The following RIMBP2 variants were observed in gnomAD, a reference collection of about 807,000 sequenced individuals.
RIMBP2 encodes RIMS-binding protein 2.
Under a neutral mutation model 118.6 loss-of-function variants are expected in RIMBP2, and 48 were observed. The observed-to-expected ratio is 0.40, with a 90% CI of 0.32 to 0.51. RIMBP2 has a LOEUF of 0.51. Among genes scored for constraint, RIMBP2 ranks in the 20% least tolerant of loss-of-function variants. The pLI is 0.41. For synonymous variants in RIMBP2, 762 were observed against 742.9 expected, an observed-to-expected ratio of 1.03 and a Z score of -0.42; for missense variants, 1,551 against 1,768.3, an observed-to-expected ratio of 0.88 and a Z score of 2.20.
rs73452777 is a variant in RIMBP2, at chr12:130,528,447, T to C, written c.-216-10530A>G. Among the ~76,000 whole-genome samples the C allele has an allele frequency of 4.5e-3, 690 of 152,174 alleles. 3 individuals carry two copies. The highest frequency in any genetic ancestry group is 0.016 in the African/African-American group (671 of 41,524). On this transcript the variant is annotated intron_variant, in intron 2 of 22. Coordinates refer to ENST00000690449, the MANE Select transcript of RIMBP2 (RefSeq NM_001393629.1). The stretch of plus-strand genomic sequence containing the variant: ...GGGGAACAACACACACTGGGGCCTG[T>C]TGGAGGTTGAGGGTAGGGGAAGGGA...
At chr12:130,659,633 T>C (rs1192171385) in intron 1 of RIMBP2, among the ~76,000 whole-genome samples, 2 of 150,968 alleles carry the variant, frequency 1.3e-5, no homozygotes, top group African/African-American at 4.9e-5. Context: ...TCACTCAATA[T>C]ATCCAAAATA....
chr12:130,713,759 G>A (rs575124781), intron 1 of RIMBP2, among the ~76,000 whole-genome samples: 2 of 152,306 alleles, frequency 1.3e-5, no homozygotes, highest in Non-Finnish European at 2.9e-5. Flanking sequence ...CACAAAGGAA[G>A]CTCCCGGGTC....
chr12:130,417,346 C>T (rs2076162107), intron 17 of RIMBP2, among the ~76,000 whole-genome samples: 1 of 152,220 alleles, frequency 6.6e-6, no homozygotes, highest in South Asian at 2.1e-4. Context: ...CCTAGATGCT[C>T]ATCAACAGTG....
chr12:130,654,454 A>G (rs2063345268), intron 1 of RIMBP2, among the ~76,000 whole-genome samples: 1 of 152,204 alleles, frequency 6.6e-6, no homozygotes, highest in Non-Finnish European at 1.5e-5. Flanking sequence ...CTGAGACCAC[A>G]TCAGCCTGGA....
intron 5 of RIMBP2, among the ~76,000 whole-genome samples, chr12:130,473,061 G>C (rs2081138383): frequency 6.6e-6 from 1 of 151,958 alleles, no homozygotes; most frequent in Non-Finnish European, 1.5e-5. Context: ...TGGCAGGATT[G>C]AAAAAAAAGA....
At chr12:130,438,335 A>ACCGGCC in intron 12 of RIMBP2, 30 bp downstream of exon 12, 1 of 865,014 alleles carries the variant, frequency 1.2e-6, no homozygotes, top group Non-Finnish European at 1.9e-6. Context: ...GGCCTAACAA[A>ACCGGCC]CCCTCCCCAC....
intron 1 of RIMBP2, among the ~76,000 whole-genome samples, chr12:130,689,862 G>C: frequency 6.6e-6 from 1 of 152,210 alleles, no homozygotes; most frequent in East Asian, 1.9e-4. Flanking sequence ...TCAGGCGTCT[G>C]GGCAGGCTCA....
chr12:130,609,787 G>C (rs2060399949), intron 2 of RIMBP2, among the ~76,000 whole-genome samples: 1 of 152,160 alleles, frequency 6.6e-6, no homozygotes. Context: ...TAGGGCACTG[G>C]AGGGGGACTG....
chr12:130,448,216 T>C (rs1334173408), intron 9 of RIMBP2, among the ~76,000 whole-genome samples: 1 of 152,070 alleles, frequency 6.6e-6, no homozygotes, highest in Non-Finnish European at 1.5e-5. Flanking sequence ...TGACTGGTGA[T>C]GGCCACGGGA....
intron 2 of RIMBP2, among the ~76,000 whole-genome samples, chr12:130,528,050 A>G (rs1050784965): frequency 6.6e-6 from 1 of 152,230 alleles, no homozygotes; most frequent in African/African-American, 2.4e-5. Context: ...TTCCTTGAAG[A>G]CCTAGAACCA....
rs150105329 is a variant in RIMBP2 at position 130,405,154 on chromosome 12, G to A, written c.3765+1018C>T. Among the ~76,000 whole-genome samples the A allele has an allele frequency of 5.3e-5, 8 of 152,232 alleles. No homozygotes were observed. The East Asian group carries it at 1.4e-3, about 26-fold the overall frequency. On this transcript the variant is annotated intron_variant, in intron 21 of 22. Transcript: ENST00000690449. ...CCAAGGCAGAAACATTTGACCGCATGCAAACGTGAAATTCATCCTTAATAA... is the reference window on the plus strand; with the variant it reads ...CCAAGGCAGAAACATTTGACCGCATACAAACGTGAAATTCATCCTTAATAA...
chr12:130,442,569 C>G lies in RIMBP2; in HGVS notation c.783G>C (p.Gly261=), dbSNP rs796364963. ...TGATGAAGTTCTGATCCTGCTCGTT[C>G]CCCAGCGTGCTTGCCAACCGCGACT... ...DNESRLASTL[G]NEQDQNFINH... is the part of the protein sequence containing the mutation. Residue 261 remains glycine, a synonymous_variant, in exon 11 of 23, where the codon GGG becomes GGC. Coordinates refer to ENST00000690449, the MANE Select transcript of RIMBP2 (RefSeq NM_001393629.1). The surrounding 1 kb of genome is among the most constrained non-coding windows in gnomAD (Gnocchi z 6.9). The G allele has an allele frequency of 6.2e-7, 1 of 1,614,200 alleles. No individual in the cohort carries two copies. The highest frequency in any genetic ancestry group is 1.3e-5 in the African/African-American group (1 of 75,050).
Position 130,486,711 on chromosome 12 carries a change from G to GGA in RIMBP2, c.-3-7696_-3-7695insTC, listed in dbSNP as rs549107617. On this transcript the variant is annotated intron_variant, in intron 4 of 22. Coordinates refer to ENST00000690449, the MANE Select transcript of RIMBP2 (RefSeq NM_001393629.1). ...CCTTGTTCAACATCCAGATCTTTGA[G>GGA]AAAAAAAAAAACCTCCCAATTTAAA... is the stretch of plus-strand genomic sequence containing the variant. Among the ~76,000 whole-genome samples, 158 of 144,304 alleles carry GGA rather than the reference G, an allele frequency of 1.1e-3. 1 individual carries two copies. The highest frequency in any genetic ancestry group is 1.9e-3 in the Non-Finnish European group (123 of 65,978). The allele number at this position is 144,304 out of a possible 152,430, so 94.7% of individuals were successfully genotyped here.
intron 2 of RIMBP2, among the ~76,000 whole-genome samples, chr12:130,575,318 G>A (rs2058018143): frequency 6.7e-6 from 1 of 149,234 alleles, no homozygotes; most frequent in Non-Finnish European, 1.5e-5. Flanking sequence ...CCAACCCAAT[G>A]GACATGCCGC....
At chr12:130,401,357 C>A (rs1402811806) in intron 21 of RIMBP2, among the ~76,000 whole-genome samples, 1 of 152,120 alleles carries the variant, frequency 6.6e-6, no homozygotes, top group African/African-American at 2.4e-5. Context: ...CTCAGGTGAT[C>A]CACCCGCCTC....
At chr12:130,490,854 G>A (rs774237620) in intron 4 of RIMBP2, among the ~76,000 whole-genome samples, 20 of 152,224 alleles carry the variant, frequency 1.3e-4, no homozygotes, top group East Asian at 1.9e-4. Flanking sequence ...AACTCACCCC[G>A]GAACTCAGCC....
chr12:130,646,720 G>A (rs546857902), intron 1 of RIMBP2, among the ~76,000 whole-genome samples: 20 of 152,350 alleles, frequency 1.3e-4, no homozygotes, highest in East Asian at 5.8e-4. Context: ...GAAAAAAATC[G>A]TTGATGTCAT....
chr12:130,649,796 G>A (rs1249956330), intron 1 of RIMBP2, among the ~76,000 whole-genome samples: 3 of 152,010 alleles, frequency 2.0e-5, no homozygotes, highest in Non-Finnish European at 4.4e-5. Flanking sequence ...ACAGGGAGGG[G>A]TGCCCTGCTA....
At chr12:130,478,091 G>A (rs1310135635) in intron 5 of RIMBP2, among the ~76,000 whole-genome samples, 2 of 152,206 alleles carry the variant, frequency 1.3e-5, no homozygotes, top group Non-Finnish European at 1.5e-5. Flanking sequence ...CCGTGGCTGA[G>A]GACTGGAGTG....
Sources: allele counts gnomAD v4.1 joint callset (sites outside exome capture counted in the v4.1 genomes callset), GRCh38; gene constraint gnomAD v4.1.1; non-coding constraint Gnocchi (gnomAD v3.1); transcripts MANE v1.5; gene names NCBI Gene and HGNC (gene_info 2026-07-23, HGNC 2026-07-21).